COBL: variants seen among roughly 807,000 people sequenced by gnomAD.
The protein encoded by COBL is cordon-bleu WH2 repeat protein.
Under a neutral mutation model 98.8 loss-of-function variants are expected in COBL, and 51 were observed. The observed-to-expected ratio is 0.52, with a 90% CI of 0.41 to 0.65. The LOEUF is 0.65. Among genes scored for constraint, COBL ranks in the 30% least tolerant of loss-of-function variants. The pLI, the probability that COBL is intolerant of heterozygous loss-of-function variation, is 0.00. For missense variants in COBL, 1,617 were observed against 1,617.5 expected (o/e 1.00, Z 0.01); for synonymous variants, 634 against 651.7 (o/e 0.97, Z 0.41).
chr7:51,314,334 A>G (rs1246594645), intron 1 of COBL, among the ~76,000 whole-genome samples: 1 of 152,220 alleles, frequency 6.6e-6, no homozygotes, highest in Non-Finnish European at 1.5e-5. Context: ...TTGATTTTAT[A>G]ATAAACGGTT....
At chr7:51,277,429 G>A (rs1227134413) in intron 1 of COBL, among the ~76,000 whole-genome samples, 2 of 152,046 alleles carry the variant, frequency 1.3e-5, no homozygotes, top group Non-Finnish European at 2.9e-5. Flanking sequence ...AAGACGACGT[G>A]GGAATTCTTT....
chr7:51,194,228 T>C (rs1470161227), intron 2 of COBL, among the ~76,000 whole-genome samples: 2 of 152,184 alleles, frequency 1.3e-5, no homozygotes, highest in Non-Finnish European at 2.9e-5. Flanking sequence ...TGTTGTTGCA[T>C]TAGTTTGCTA....
intron 1 of COBL, among the ~76,000 whole-genome samples, chr7:51,258,502 T>G (rs773508563): frequency 2.6e-5 from 4 of 152,236 alleles, no homozygotes; most frequent in Non-Finnish European, 5.9e-5. Context: ...AAATTTTTCC[T>G]TGGAATTGGA....
chr7:51,261,471 T>C (rs1404656615), intron 1 of COBL, among the ~76,000 whole-genome samples: 1 of 152,186 alleles, frequency 6.6e-6, no homozygotes, highest in Non-Finnish European at 1.5e-5. Flanking sequence ...TGAATGAAGG[T>C]GAGACTAGAG....
intron 1 of COBL, among the ~76,000 whole-genome samples, chr7:51,294,815 T>C (rs1801262356): frequency 6.6e-6 from 1 of 151,906 alleles, no homozygotes; most frequent in African/African-American, 2.4e-5. Flanking sequence ...ACATGGTCTA[T>C]GCTCCATTTA....
At chr7:51,024,638 T>C (rs796091918) in intron 12 of COBL, among the ~76,000 whole-genome samples, 11 of 149,972 alleles carry the variant, frequency 7.3e-5, no homozygotes, top group African/African-American at 2.8e-4. Context: ...TAGGCTGGAA[T>C]GCAAGCATGT....
At chr7:51,273,124 T>A (rs1798928479) in intron 1 of COBL, among the ~76,000 whole-genome samples, 1 of 151,176 alleles carries the variant, frequency 6.6e-6, no homozygotes. Context: ...AGGTCAGGAG[T>A]TCAGGATCAG....
At chr7:51,268,528 A>C (rs1798433392) in intron 1 of COBL, among the ~76,000 whole-genome samples, 1 of 152,166 alleles carries the variant, frequency 6.6e-6, no homozygotes, top group African/African-American at 2.4e-5. Flanking sequence ...ACTCTGTGCA[A>C]GGCAGCGTTA....
intron 5 of COBL, among the ~76,000 whole-genome samples, chr7:51,138,044 T>G (rs1206952138): frequency 6.6e-6 from 1 of 152,174 alleles, no homozygotes; most frequent in African/African-American, 2.4e-5. Context: ...TTCTTGTGCT[T>G]AAATATTAAA....
intron 1 of COBL, among the ~76,000 whole-genome samples, chr7:51,290,840 T>C (rs915376047): frequency 1.3e-5 from 2 of 152,168 alleles, no homozygotes; most frequent in African/African-American, 4.8e-5. Flanking sequence ...GGAACTCCAG[T>C]GCCACTCCCT....
At chr7:51,307,909 C>A (rs889726022) in intron 1 of COBL, among the ~76,000 whole-genome samples, 3 of 152,222 alleles carry the variant, frequency 2.0e-5, no homozygotes, top group African/African-American at 7.2e-5. Context: ...GAGAGATCTG[C>A]AATTCACTCT....
At chr7:51,266,665 T>C (rs1011179666) in intron 1 of COBL, among the ~76,000 whole-genome samples, 2 of 152,180 alleles carry the variant, frequency 1.3e-5, no homozygotes, top group Non-Finnish European at 2.9e-5. Context: ...TGCAAGTACT[T>C]CTACACAAAT....
At chr7:51,205,069 T>C (rs2129069555) in intron 2 of COBL, among the ~76,000 whole-genome samples, 1 of 152,304 alleles carries the variant, frequency 6.6e-6, no homozygotes, top group East Asian at 1.9e-4. Flanking sequence ...ATTAATATTG[T>C]TACAATTTCC....
At chr7:51,157,069 G>A (rs879935404) in intron 5 of COBL, among the ~76,000 whole-genome samples, 4 of 152,130 alleles carry the variant, frequency 2.6e-5, no homozygotes, top group African/African-American at 9.7e-5. Context: ...TCAAATCAGA[G>A]TTTTAACAAG....
chr7:51,131,543 T>A (rs1423079369), intron 6 of COBL, among the ~76,000 whole-genome samples: 1 of 151,604 alleles, frequency 6.6e-6, no homozygotes, highest in African/African-American at 2.4e-5. Context: ...CTTTAATAGG[T>A]AAACTGAGTC....
At chr7:51,145,473 C>T (rs534972445) in intron 5 of COBL, among the ~76,000 whole-genome samples, 1 of 151,540 alleles carries the variant, frequency 6.6e-6, no homozygotes, top group African/African-American at 2.4e-5. Flanking sequence ...CTCTACCTCC[C>T]GGGTTCAAGC....
intron 5 of COBL, among the ~76,000 whole-genome samples, chr7:51,165,278 T>A (rs1312393496): frequency 6.6e-5 from 10 of 152,014 alleles, no homozygotes; most frequent in Non-Finnish European, 1.3e-4. Context: ...TGGAAAAAGA[T>A]ATTCCATGCC....
At chr7:51,279,805 C>G (rs1799652538) in intron 1 of COBL, among the ~76,000 whole-genome samples, 2 of 152,186 alleles carry the variant, frequency 1.3e-5, no homozygotes, top group African/African-American at 4.8e-5. Context: ...CCCCTGGCAA[C>G]AGCAAACACT....
intron 6 of COBL, among the ~76,000 whole-genome samples, chr7:51,096,352 A>G (rs1795271366): frequency 6.6e-6 from 1 of 152,106 alleles, no homozygotes; most frequent in Non-Finnish European, 1.5e-5. Flanking sequence ...GCCAAAACTC[A>G]TGGGATTCAG....
Sources: gnomAD v4.1 joint callset for allele counts (sites outside exome capture counted in the v4.1 genomes callset) on GRCh38, gnomAD v4.1.1 for gene constraint, MANE v1.5 for transcripts, NCBI Gene and HGNC (gene_info 2026-07-23, HGNC 2026-07-21) for gene names.